Variants in CCDC171 observed in about 807,000 individuals in gnomAD.
The protein encoded by CCDC171 is coiled-coil domain containing 171.
In CCDC171, 177 loss-of-function variants were observed where a neutral mutation model predicts 168.2. The observed-to-expected ratio is 1.05, with a 90% confidence interval of 0.93 to 1.19. The LOEUF is 1.19. CCDC171 is among the 50% of genes most tolerant of loss of function. The probability of loss-of-function intolerance (pLI) is 0.00; values close to 1 mark genes in which losing one functional copy is unlikely to be tolerated. For synonymous variants in CCDC171, 687 were observed against 540.8 expected (o/e 1.27, Z -3.75); for missense variants, 1,991 against 1,539.0 (o/e 1.29, Z -4.91).
intron 11 of CCDC171, among the ~76,000 whole-genome samples, chr9:15,719,433 A>C (rs1588129139): frequency 7.1e-6 from 1 of 141,486 alleles, no homozygotes; most frequent in Non-Finnish European, 1.6e-5. Flanking sequence ...AGAGAGAGAG[A>C]GAGAGAGAGA....
chr9:15,680,245 C>G (rs1022363573), intron 10 of CCDC171, among the ~76,000 whole-genome samples: 1 of 152,148 alleles, frequency 6.6e-6, no homozygotes, highest in African/African-American at 2.4e-5. Context: ...ATGCAGAATC[C>G]TCTTCTCAGC....
chr9:16,091,466 G>T, the CCDC171 span, among the ~76,000 whole-genome samples: 2 of 152,186 alleles, frequency 1.3e-5, no homozygotes, highest in Non-Finnish European at 2.9e-5. Context: ...TCTGACTCAG[G>T]AGTCACCATC....
chr9:15,571,118 A>G (rs892248215), intron 2 of CCDC171, among the ~76,000 whole-genome samples: 10 of 152,154 alleles, frequency 6.6e-5, no homozygotes, highest in Non-Finnish European at 1.5e-4. Flanking sequence ...GCTTCCAGTA[A>G]TTGGTTGCTA....
chr9:15,870,911 G>A (rs917157448), intron 23 of CCDC171, among the ~76,000 whole-genome samples: 1 of 150,902 alleles, frequency 6.6e-6, no homozygotes, highest in African/African-American at 2.4e-5. Flanking sequence ...TTAAAATCTA[G>A]AACTGGATTA....
chr9:15,757,621 A>G, intron 18 of CCDC171, among the ~76,000 whole-genome samples: 1 of 152,228 alleles, frequency 6.6e-6, no homozygotes, highest in East Asian at 1.9e-4. Context: ...TGAATCTCCA[A>G]GACAATGGGG....
At chr9:15,712,416 G>A (rs2052737486) in intron 11 of CCDC171, among the ~76,000 whole-genome samples, 1 of 152,124 alleles carries the variant, frequency 6.6e-6, no homozygotes, top group Admixed American at 6.5e-5. Context: ...TACAGTGTTT[G>A]TGTTTTTGTG....
intron 4 of CCDC171, among the ~76,000 whole-genome samples, chr9:15,581,184 G>A (rs1167162425): frequency 6.6e-6 from 1 of 152,086 alleles, no homozygotes; most frequent in East Asian, 1.9e-4. Flanking sequence ...ATTCACAATT[G>A]CTACAAACAG....
chr9:16,035,452 C>T (rs901677864), intron 6 of CCDC171: 2 of 152,038 alleles, frequency 1.3e-5, no homozygotes, highest in Non-Finnish European at 2.9e-5. Context: ...TACTTCCTGC[C>T]CTAGGATCTG....
At chr9:15,995,396 T>G (rs1196263116) in intron 3 of CCDC171, among the ~76,000 whole-genome samples, 1 of 152,230 alleles carries the variant, frequency 6.6e-6, no homozygotes. Flanking sequence ...GATCCATGTA[T>G]TTTTGTTAGC....
At position 15,662,923 on chromosome 9, in the gene CCDC171, G is replaced by T. The variant is rs553884914; in HGVS notation, c.916-3240G>T. ...TTGAATCCAGGGGGCGGAGGTTGCA[G>T]TGAGCTGAGATTGCACCACTACACT... On this transcript the variant is annotated intron_variant, in intron 8 of 25. Transcript: ENST00000380701. Among the ~76,000 whole-genome samples the T allele has an allele frequency of 1.1e-4, 17 of 152,308 alleles. No homozygotes were observed. In the South Asian group the frequency reaches 3.5e-3, roughly 32 times the overall value.
the CCDC171 span, among the ~76,000 whole-genome samples, chr9:16,088,930 T>A: frequency 2.6e-5 from 4 of 152,144 alleles, no homozygotes; most frequent in Non-Finnish European, 5.9e-5. Context: ...AGAACGAAGC[T>A]GGAGGCATCT....
Position 15,698,381 on chromosome 9 carries a change from C to T in CCDC171, c.1318+3044C>T, listed in dbSNP as rs1020940750. 1.2e-4 allele frequency among the ~76,000 whole-genome samples: 19 copies of T among 152,074 alleles called. No individual in the cohort carries two copies. In the South Asian group the frequency reaches 1.9e-3, roughly 15 times the overall value. On this transcript the variant is annotated intron_variant, in intron 11 of 25. Transcript: ENST00000380701. ...CTAAAAATACAAAAAATTAGCCAGG[C>T]GTGGTGGCGGGTGCCTGTAGTCCCA...
At chr9:15,873,926 G>A (rs1055913624) in intron 23 of CCDC171, among the ~76,000 whole-genome samples, 2 of 152,042 alleles carry the variant, frequency 1.3e-5, no homozygotes, top group East Asian at 3.9e-4. Context: ...TTGTGTGACT[G>A]TGTTGGTTTA....
intron 21 of CCDC171, among the ~76,000 whole-genome samples, chr9:15,790,456 T>G (rs10756705): frequency 0.92 from 140,387 of 152,132 alleles, 65,049 homozygotes; most frequent in East Asian, 1. Flanking sequence ...TGTTTTTTTC[T>G]TGTAAATTTG....
Position 15,777,595 on chromosome 9 carries a change from TG to T in CCDC171, c.2672-4del. 6.3e-7 allele frequency: 1 copy of T among 1,594,828 alleles called. No homozygotes were observed. Among genetic ancestry groups the T allele is most frequent in the Non-Finnish European group, 8.5e-7 (1 of 1,170,972 alleles). ...TTTTGTGCCTTTTTTTCTTTTTCTT[TG>T]AAGATCCAAATTCCAGAATTTGTGG... On this transcript the variant is annotated splice_polypyrimidine_tract_variant and splice_region_variant and intron_variant, in intron 18 of 25. Transcript: ENST00000380701.
chr9:15,612,767 T>C (rs1489830226), intron 6 of CCDC171, among the ~76,000 whole-genome samples: 1 of 152,228 alleles, frequency 6.6e-6, no homozygotes, highest in East Asian at 1.9e-4. Flanking sequence ...TTCTTTGCAA[T>C]TTCCTGATAC....
chr9:15,584,575 A>G (rs2041403531), intron 4 of CCDC171, among the ~76,000 whole-genome samples: 1 of 152,138 alleles, frequency 6.6e-6, no homozygotes, highest in East Asian at 1.9e-4. Flanking sequence ...GATAGATCAC[A>G]TGAGGGCCCC....
chr9:15,823,381 A>T (rs1371284363), intron 21 of CCDC171, among the ~76,000 whole-genome samples: 1 of 152,094 alleles, frequency 6.6e-6, no homozygotes, highest in Non-Finnish European at 1.5e-5. Context: ...ATTAAGCATA[A>T]AAAGGAATAA....
At chr9:15,995,102 C>T (rs138467384) in intron 3 of CCDC171, among the ~76,000 whole-genome samples, 12 of 152,290 alleles carry the variant, frequency 7.9e-5, no homozygotes, top group East Asian at 3.9e-4. Flanking sequence ...CCCACACCCA[C>T]GCCTCTGTTC....
Sources: allele counts gnomAD v4.1 joint callset (sites outside exome capture counted in the v4.1 genomes callset), GRCh38; gene constraint gnomAD v4.1.1; transcripts MANE v1.5; gene names NCBI Gene and HGNC (gene_info 2026-07-23, HGNC 2026-07-21).